RALYL: variants seen among roughly 807,000 people sequenced by gnomAD.
RALYL encodes RNA-binding Raly-like protein.
A neutral mutation model predicts 35.1 loss-of-function variants in RALYL; 29 were observed. The ratio of observed to expected loss-of-function variants is 0.83; its 90% CI spans 0.61 to 1.13. RALYL has a LOEUF of 1.13. Ranked by LOEUF, RALYL falls within the 50% of genes most tolerant of loss-of-function variation. RALYL has a pLI of 0.00. For synonymous variants in RALYL, 120 were observed against 127.6 expected (o/e 0.94, Z 0.40); for missense variants, 359 against 360.4 (o/e 1.00, Z 0.03).
In RALYL at chr8:84,560,985, G is replaced by T. The variant is rs538432632; in HGVS notation, c.256+31408G>T. Among the ~76,000 whole-genome samples, 72 of 152,066 alleles carry T rather than the reference G, an allele frequency of 4.7e-4. 3 individuals are homozygous for T. In the South Asian group the frequency reaches 0.013, roughly 28 times the overall value. Reference sequence around the variant, plus strand: ...AATCATCTTTTGTGTTGAATTTAGGGAACCACTGAAATCCTAGAAGTTTGA... The same window carrying T: ...AATCATCTTTTGTGTTGAATTTAGGTAACCACTGAAATCCTAGAAGTTTGA... On this transcript the variant is annotated intron_variant, in intron 2 of 8. Transcript: ENST00000521268.
intron 1 of RALYL, among the ~76,000 whole-genome samples, chr8:84,318,212 T>C (rs764798032): frequency 4.6e-5 from 7 of 152,196 alleles, no homozygotes; most frequent in Non-Finnish European, 8.8e-5. Flanking sequence ...TGGGACCCTG[T>C]GGGACTGCAC....
intron 1 of RALYL, among the ~76,000 whole-genome samples, chr8:84,361,868 G>A (rs776073117): frequency 7.9e-5 from 12 of 152,242 alleles, no homozygotes; most frequent in East Asian, 1.9e-4. Context: ...TTGATAGGCC[G>A]GTTGGTGTAG....
chr8:84,810,040 G>A (rs1307387993), intron 4 of RALYL, among the ~76,000 whole-genome samples: 4 of 151,914 alleles, frequency 2.6e-5, no homozygotes, highest in Non-Finnish European at 5.9e-5. Flanking sequence ...GTTTTGGTTT[G>A]TTCTTGTTTC....
chr8:84,328,127 A>G (rs1248622744), intron 1 of RALYL, among the ~76,000 whole-genome samples: 3 of 152,170 alleles, frequency 2.0e-5, no homozygotes, highest in Non-Finnish European at 2.9e-5. Flanking sequence ...TGGGAATTAT[A>G]TTGGCTGTAT....
intron 4 of RALYL, among the ~76,000 whole-genome samples, chr8:84,826,231 C>T (rs774191717): frequency 6.9e-6 from 1 of 144,970 alleles, no homozygotes; most frequent in Non-Finnish European, 1.5e-5. Flanking sequence ...AATCATACTC[C>T]AAACCTCATC....
At chr8:84,601,722 GA>G (rs566281823) in intron 2 of RALYL, among the ~76,000 whole-genome samples, 15 of 150,888 alleles carry the variant, frequency 9.9e-5, no homozygotes, top group African/African-American at 3.6e-4. Flanking sequence ...ATTGTTAGGA[GA>G]AAAAAAAACT....
intron 2 of RALYL, among the ~76,000 whole-genome samples, chr8:84,686,431 G>A (rs1292133437): frequency 6.6e-6 from 1 of 151,792 alleles, no homozygotes; most frequent in Admixed American, 6.6e-5. Context: ...TTGAGACTGG[G>A]TTCAGCTCTG....
chr8:84,520,588 T>G (rs2058386215), intron 1 of RALYL, among the ~76,000 whole-genome samples: 1 of 152,204 alleles, frequency 6.6e-6, no homozygotes, highest in Non-Finnish European at 1.5e-5. Flanking sequence ...GTCTGTCACC[T>G]GTTAAGAACA....
chr8:84,706,174 C>T (rs1184969468), intron 2 of RALYL: 7 of 1,001,890 alleles, frequency 7.0e-6, no homozygotes, highest in Admixed American at 2.3e-5. Flanking sequence ...AGAAAAGATA[C>T]TGTAGCTTTT....
chr8:84,608,342 G>C (rs1261286974), intron 2 of RALYL, among the ~76,000 whole-genome samples: 1 of 152,138 alleles, frequency 6.6e-6, no homozygotes, highest in Non-Finnish European at 1.5e-5. Context: ...CCTCATGCAG[G>C]ACTGGGATGG....
At chr8:84,338,064 C>T (rs1390549529) in intron 1 of RALYL, among the ~76,000 whole-genome samples, 2 of 151,872 alleles carry the variant, frequency 1.3e-5, no homozygotes, top group Non-Finnish European at 2.9e-5. Context: ...TACCCGTACT[C>T]AGGTTTTGTA....
intron 2 of RALYL, among the ~76,000 whole-genome samples, chr8:84,757,635 G>T (rs1563535528): frequency 2.1e-5 from 3 of 143,086 alleles, no homozygotes; most frequent in Non-Finnish European, 4.4e-5. Flanking sequence ...AAGAGGGATG[G>T]AGGTGGAACT....
In RALYL at chr8:84,901,699, C is replaced by T. The variant is rs193221902; in HGVS notation, c.858+13923C>T. Among the ~76,000 whole-genome samples, 9 of 152,234 alleles carry T rather than the reference C, an allele frequency of 5.9e-5. No homozygotes were observed. In the East Asian group the frequency reaches 1.7e-3, roughly 29 times the overall value. On this transcript the variant is annotated intron_variant, in intron 8 of 8. Coordinates refer to ENST00000521268, the MANE Select transcript of RALYL (RefSeq NM_173848.7). ...AGAGGATGTTTTACCCTGAAGCCAG[C>T]ATATTTTCCAGGAGGGCCCTTAAAG...
chr8:84,426,438 C>CTGTG (rs71271987), intron 1 of RALYL, among the ~76,000 whole-genome samples: 5,318 of 136,026 alleles, frequency 0.039, 117 homozygotes, highest in Middle Eastern at 0.068. Flanking sequence ...CTCTCTCTCT[C>CTGTG]TGTGTGTGTG....
intron 5 of RALYL, among the ~76,000 whole-genome samples, chr8:84,859,562 T>G (rs1837712910): frequency 6.6e-6 from 1 of 152,130 alleles, no homozygotes; most frequent in Non-Finnish European, 1.5e-5. Flanking sequence ...TTGGTGAAAG[T>G]CATCCAGCCA....
At chr8:84,738,706 A>G (rs779182795) in intron 2 of RALYL, among the ~76,000 whole-genome samples, 1 of 152,058 alleles carries the variant, frequency 6.6e-6, no homozygotes, top group Admixed American at 6.6e-5. Context: ...ACTTTAGCAC[A>G]TTGTAAACCA....
chr8:84,335,902 C>A (rs77519151), intron 1 of RALYL, among the ~76,000 whole-genome samples: 4,118 of 151,894 alleles, frequency 0.027, 100 homozygotes, highest in Non-Finnish European at 0.031. Context: ...CTAGCAAGTG[C>A]AATTAAGTAA....
At chr8:84,487,309 G>T (rs1400661236) in intron 1 of RALYL, among the ~76,000 whole-genome samples, 1 of 152,030 alleles carries the variant, frequency 6.6e-6, no homozygotes, top group African/African-American at 2.4e-5. Context: ...CTGTTGGACT[G>T]TTCCTACTGT....
chr8:84,707,176 G>C (rs943093660), intron 2 of RALYL, among the ~76,000 whole-genome samples: 1 of 152,106 alleles, frequency 6.6e-6, no homozygotes, highest in African/African-American at 2.4e-5. Context: ...ACCACAGAAA[G>C]CTCTGAGGGC....
Sources: gnomAD v4.1 joint callset for allele counts (sites outside exome capture counted in the v4.1 genomes callset) on GRCh38, gnomAD v4.1.1 for gene constraint, MANE v1.5 for transcripts, NCBI Gene and HGNC (gene_info 2026-07-23, HGNC 2026-07-21) for gene names.